Variants in ZNF69 observed in about 807,000 individuals in gnomAD.
ZNF69 encodes ZNF3.
In ZNF69, 47 loss-of-function variants were observed where a neutral mutation model predicts 50.9. The observed-to-expected ratio is 0.92, with a 90% confidence interval of 0.73 to 1.18. The LOEUF is 1.18. Ranked by LOEUF, ZNF69 falls within the 50% of genes most tolerant of loss-of-function variation. The pLI is 0.00. For synonymous variants in ZNF69, 216 were observed against 223.1 expected, an observed-to-expected ratio of 0.97 and a Z score of 0.29; for missense variants, 717 against 675.1, an observed-to-expected ratio of 1.06 and a Z score of -0.69.
the ZNF69 span, chr19:11,947,470 A>G: frequency 1.2e-4 from 191 of 1,606,068 alleles, no homozygotes; most frequent in African/African-American, 2.1e-3. Context: ...TTTTTTCACA[A>G]TTTTATACTG....
chr19:11,945,490 T>C, the ZNF69 span, among the ~76,000 whole-genome samples: 157 of 152,226 alleles, frequency 1.0e-3, 3 homozygotes, highest in African/African-American at 3.6e-3. Flanking sequence ...TTCCAAAGGC[T>C]CTCAAGTGCT....
intron 1 of ZNF69, among the ~76,000 whole-genome samples, chr19:11,891,374 T>TA (rs35353560): frequency 8.9e-4 from 113 of 126,928 alleles, no homozygotes; most frequent in Admixed American, 2.1e-3. Flanking sequence ...CTGTCTGTAT[T>TA]AAAAAAAAAA....
At chr19:11,935,280 A>T in the ZNF69 span, among the ~76,000 whole-genome samples, 1 of 112,998 alleles carries the variant, frequency 8.8e-6, no homozygotes, top group South Asian at 3.2e-4. Flanking sequence ...TCTGTTGCCC[A>T]GTCTGGAGTG....
the ZNF69 span, among the ~76,000 whole-genome samples, chr19:11,958,521 C>T: frequency 6.6e-6 from 1 of 152,218 alleles, no homozygotes; most frequent in Admixed American, 6.5e-5. Context: ...GAACCTTCCA[C>T]TGACTCACAG....
intron 1 of ZNF69, among the ~76,000 whole-genome samples, chr19:11,899,250 A>C (rs1368492556): frequency 5.3e-5 from 8 of 152,202 alleles, no homozygotes. Flanking sequence ...AAAAATATGC[A>C]TTGAAGGTCT....
intron 1 of ZNF69, among the ~76,000 whole-genome samples, chr19:11,897,209 T>G (rs928837854): frequency 1.3e-5 from 2 of 152,084 alleles, no homozygotes; most frequent in Non-Finnish European, 2.9e-5. Flanking sequence ...TAGCCAGGCC[T>G]GGTGGCACAT....
the ZNF69 span, among the ~76,000 whole-genome samples, chr19:11,935,123 C>T: frequency 2.1e-5 from 3 of 141,652 alleles, no homozygotes. Context: ...TTGCAGTGGG[C>T]CGAGATGGCA....
the ZNF69 span, among the ~76,000 whole-genome samples, chr19:11,966,218 C>T: frequency 5.3e-5 from 8 of 152,186 alleles, no homozygotes; most frequent in East Asian, 1.5e-3. Flanking sequence ...CATGAATGTG[C>T]GTCAGTTGCT....
At chr19:11,948,934 A>G in the ZNF69 span, 1 of 1,607,598 alleles carries the variant, frequency 6.2e-7, no homozygotes, top group South Asian at 1.1e-5. Flanking sequence ...CATGGGAGAG[A>G]AGCCTTATCA....
the ZNF69 span, among the ~76,000 whole-genome samples, chr19:11,964,838 A>G: frequency 6.6e-6 from 1 of 152,206 alleles, no homozygotes; most frequent in Admixed American, 6.5e-5. Flanking sequence ...CAAATATCCA[A>G]TAATCAGAGT....
At chr19:11,925,372 C>T in the ZNF69 span, 1 of 1,554,878 alleles carries the variant, frequency 6.4e-7, no homozygotes. Flanking sequence ...GTGGGCGACT[C>T]CGGGGTCTGG....
At chr19:11,952,070 G>A in the ZNF69 span, among the ~76,000 whole-genome samples, 1 of 152,124 alleles carries the variant, frequency 6.6e-6, no homozygotes, top group South Asian at 2.1e-4. Flanking sequence ...AGCTAGTCAG[G>A]AGGCTGAGAC....
At chr19:11,953,907 C>CTG in the ZNF69 span, among the ~76,000 whole-genome samples, 1 of 152,088 alleles carries the variant, frequency 6.6e-6, no homozygotes, top group African/African-American at 2.4e-5. Flanking sequence ...TAATATTACT[C>CTG]TGTGTTGATG....
At chr19:11,901,982 T>C (rs959140875) in intron 1 of ZNF69, among the ~76,000 whole-genome samples, 13 of 148,306 alleles carry the variant, frequency 8.8e-5, no homozygotes, top group African/African-American at 1.5e-4. Flanking sequence ...TATTTTCTTT[T>C]TTTTTTTTTT....
At chr19:11,888,126 G>A in intron 1 of ZNF69, 140 bp downstream of exon 1, 5 of 693,164 alleles carry the variant, frequency 7.2e-6, no homozygotes, top group Non-Finnish European at 9.5e-6. Flanking sequence ...CTCGGCCCTC[G>A]GTCCCCTCGA....
the ZNF69 span, among the ~76,000 whole-genome samples, chr19:11,974,126 T>TTTCTTTTC: frequency 5.4e-3 from 295 of 54,978 alleles, 2 homozygotes; most frequent in South Asian, 0.011. Flanking sequence ...TCTTTCTTTC[T>TTTCTTTTC]TTTCTTTCTT....
intron 1 of ZNF69, among the ~76,000 whole-genome samples, chr19:11,889,474 G>C: frequency 6.6e-6 from 1 of 152,132 alleles, no homozygotes; most frequent in Non-Finnish European, 1.5e-5. Context: ...CTTTGTTTTT[G>C]TTTTTATTTA....
the ZNF69 span, chr19:11,977,423 A>T: frequency 1.4e-5 from 23 of 1,614,058 alleles, 1 homozygote; most frequent in Admixed American, 2.8e-4. Context: ...ACCCCAGGAG[A>T]AACTTCAGGT....
At chr19:11,913,934 G>A (rs917179838) in exon 5 of ZNF69, 1 of 152,186 alleles carries the variant, frequency 6.6e-6, no homozygotes, top group Non-Finnish European at 1.5e-5. Context: ...ATCACATTTA[G>A]AAATATAGTT....
Sources: gnomAD v4.1 joint callset for allele counts (sites outside exome capture counted in the v4.1 genomes callset) on GRCh38, gnomAD v4.1.1 for gene constraint, MANE v1.5 for transcripts, NCBI Gene and HGNC (gene_info 2026-07-23, HGNC 2026-07-21) for gene names.